The following NCKAP5 variants were observed in gnomAD, a reference collection of about 807,000 sequenced individuals.
The protein encoded by NCKAP5 is NCK associated protein 5.
NCKAP5 carries 92 observed loss-of-function variants against 167.0 expected under a neutral mutation model. That is an observed-to-expected ratio of 0.55 (90% CI 0.47 to 0.66). NCKAP5 has a LOEUF of 0.66. NCKAP5 is among the 30% of genes least tolerant of loss of function. The pLI, the probability that NCKAP5 is intolerant of heterozygous loss-of-function variation, is 0.00. For synonymous variants in NCKAP5, 891 were observed against 877.4 expected (o/e 1.02, Z -0.27); for missense variants, 2,378 against 2,315.0 (o/e 1.03, Z -0.56).
intron 4 of NCKAP5, among the ~76,000 whole-genome samples, chr2:133,276,982 A>G (rs1386790706): frequency 6.6e-6 from 1 of 152,172 alleles, no homozygotes; most frequent in Non-Finnish European, 1.5e-5. Flanking sequence ...AGAAAACTGA[A>G]AATTTAACAC....
chr2:132,940,232 G>A (rs1697191178), intron 8 of NCKAP5, among the ~76,000 whole-genome samples: 1 of 152,018 alleles, frequency 6.6e-6, no homozygotes, highest in Non-Finnish European at 1.5e-5. Flanking sequence ...GTTCATAAGG[G>A]CCTATTTTTA....
chr2:133,661,078 A>G, the NCKAP5 span, among the ~76,000 whole-genome samples: 1 of 152,012 alleles, frequency 6.6e-6, no homozygotes, highest in Admixed American at 6.6e-5. Context: ...GTGTTTACCC[A>G]GACTGTTCTC....
intron 5 of NCKAP5, among the ~76,000 whole-genome samples, chr2:133,164,024 A>C (rs2083903267): frequency 6.6e-6 from 1 of 152,230 alleles, no homozygotes; most frequent in African/African-American, 2.4e-5. Flanking sequence ...TAAGCACAGC[A>C]AGGCCTCAGA....
intron 6 of NCKAP5, among the ~76,000 whole-genome samples, chr2:133,075,054 A>G (rs1321057268): frequency 1.3e-5 from 2 of 152,212 alleles, no homozygotes; most frequent in Non-Finnish European, 2.9e-5. Flanking sequence ...CCATATGTAG[A>G]TACATCATAA....
intron 4 of NCKAP5, among the ~76,000 whole-genome samples, chr2:133,260,183 G>T (rs1299364168): frequency 6.6e-6 from 1 of 152,126 alleles, no homozygotes; most frequent in Non-Finnish European, 1.5e-5. Context: ...GTTGCCAAAT[G>T]TTCAATATTA....
chr2:133,210,389 T>C (rs115362188), intron 5 of NCKAP5, among the ~76,000 whole-genome samples: 7,888 of 151,996 alleles, frequency 0.052, 638 homozygotes, highest in African/African-American at 0.18. Flanking sequence ...TTTAATTATA[T>C]AGCTTTTCTG....
intron 10 of NCKAP5, among the ~76,000 whole-genome samples, chr2:132,866,047 T>C (rs1002381814): frequency 1.3e-5 from 2 of 152,206 alleles, no homozygotes; most frequent in Non-Finnish European, 2.9e-5. Context: ...ATAAAATTGT[T>C]TTCTGTTTCT....
intron 6 of NCKAP5, among the ~76,000 whole-genome samples, chr2:133,071,129 T>C (rs1418210647): frequency 3.3e-5 from 5 of 152,120 alleles, no homozygotes; most frequent in Non-Finnish European, 7.4e-5. Context: ...CCAGGAAGCT[T>C]CAACTATAGA....
chr2:133,060,487 T>C (rs1262283081), intron 6 of NCKAP5, among the ~76,000 whole-genome samples: 1 of 152,198 alleles, frequency 6.6e-6, no homozygotes, highest in African/African-American at 2.4e-5. Flanking sequence ...AGCTGCATGT[T>C]TATGTATATA....
At chr2:133,604,425 C>T in the NCKAP5 span, among the ~76,000 whole-genome samples, 7 of 151,906 alleles carry the variant, frequency 4.6e-5, no homozygotes, top group Non-Finnish European at 7.4e-5. Context: ...AGGCTGGTCT[C>T]GAACTCCTGA....
chr2:133,545,420 T>C (rs1356605034), intron 2 of NCKAP5, among the ~76,000 whole-genome samples: 1 of 152,090 alleles, frequency 6.6e-6, no homozygotes, highest in Non-Finnish European at 1.5e-5. Flanking sequence ...GAAGCTGCTG[T>C]CCAAGGCAGA....
intron 3 of NCKAP5, among the ~76,000 whole-genome samples, chr2:133,513,347 G>C (rs945160332): frequency 1.3e-5 from 2 of 152,214 alleles, no homozygotes; most frequent in Admixed American, 1.3e-4. Flanking sequence ...ACCAAGCAGG[G>C]TGAGAGTGGG....
chr2:133,430,938 T>C (rs139940325), intron 3 of NCKAP5, among the ~76,000 whole-genome samples: 143 of 151,794 alleles, frequency 9.4e-4, no homozygotes, highest in African/African-American at 3.3e-3. Flanking sequence ...TAAATTGATA[T>C]CATCAGGAAG....
intron 11 of NCKAP5, among the ~76,000 whole-genome samples, chr2:132,818,154 C>T (rs1414552645): frequency 6.6e-6 from 1 of 152,116 alleles, no homozygotes; most frequent in Non-Finnish European, 1.5e-5. Flanking sequence ...CGCCATGTTG[C>T]CCAGGCTGGT....
At chr2:133,116,104 G>A (rs2082073859) in intron 6 of NCKAP5, among the ~76,000 whole-genome samples, 1 of 151,844 alleles carries the variant, frequency 6.6e-6, no homozygotes, top group African/African-American at 2.4e-5. Context: ...AGGGCATATT[G>A]ATATTTGAAC....
chr2:133,216,908 G>A (rs1199776695), intron 4 of NCKAP5, among the ~76,000 whole-genome samples: 1 of 152,054 alleles, frequency 6.6e-6, no homozygotes, highest in South Asian at 2.1e-4. Context: ...CAAAGTATGT[G>A]CATGTACTAC....
chr2:133,574,725 A>G, the NCKAP5 span, among the ~76,000 whole-genome samples: 1 of 151,088 alleles, frequency 6.6e-6, no homozygotes, highest in Non-Finnish European at 1.5e-5. Context: ...TGTGGCAAAT[A>G]TGCTTCAAGG....
chr2:133,518,344 ATTTTTTTTTTTT>A (rs751025050), intron 2 of NCKAP5, among the ~76,000 whole-genome samples: 17 of 74,636 alleles, frequency 2.3e-4, no homozygotes, highest in African/African-American at 7.6e-4. Context: ...ACAGTAAAGG[ATTTTTTTTTTTT>A]TTTTTTTTTT....
the NCKAP5 span, among the ~76,000 whole-genome samples, chr2:133,651,874 T>C: frequency 6.6e-6 from 1 of 152,194 alleles, no homozygotes; most frequent in Non-Finnish European, 1.5e-5. Context: ...CTTGAGGACA[T>C]TATCCTTTCA....
Sources: allele counts gnomAD v4.1 joint callset (sites outside exome capture counted in the v4.1 genomes callset), GRCh38; gene constraint gnomAD v4.1.1; transcripts MANE v1.5; gene names NCBI Gene and HGNC (gene_info 2026-07-23, HGNC 2026-07-21).